ST6GALNAC3: variants seen among roughly 807,000 people sequenced by gnomAD.
ST6GALNAC3 encodes ST6 N-acetylgalactosaminide alpha-2,6-sialyltransferase 3.
ST6GALNAC3 carries 25 observed loss-of-function variants against 32.7 expected under a neutral mutation model. The ratio of observed to expected loss-of-function variants is 0.76; its 90% CI spans 0.56 to 1.07. The LOEUF (loss-of-function observed/expected upper bound fraction) is 1.07, where lower values mean the gene tolerates loss of function less well. ST6GALNAC3 is among the 50% of genes least tolerant of loss of function. ST6GALNAC3 has a pLI of 0.00. For missense variants in ST6GALNAC3, 355 were observed against 382.4 expected (o/e 0.93, Z 0.60); for synonymous variants, 129 against 133.1 (o/e 0.97, Z 0.21).
intron 3 of ST6GALNAC3, 55 bp from the exon 4 acceptor site, chr1:76,627,397 T>C: frequency 8.9e-7 from 1 of 1,125,666 alleles, no homozygotes; most frequent in Non-Finnish European, 1.4e-6. Context: ...TATTGTTCTG[T>C]GTGTGTGTTC....
At chr1:76,160,591 C>T (rs567466489) in intron 1 of ST6GALNAC3, among the ~76,000 whole-genome samples, 27 of 152,196 alleles carry the variant, frequency 1.8e-4, no homozygotes, top group Admixed American at 7.2e-4. Context: ...TACTCTCTAA[C>T]GGTGTTCTAC....
At chr1:76,457,615 G>T (rs370000677) in intron 3 of ST6GALNAC3, among the ~76,000 whole-genome samples, 3,152 of 151,896 alleles carry the variant, frequency 0.021, 76 homozygotes, top group Admixed American at 0.065. Flanking sequence ...ACAAACCTGA[G>T]AAAAACAAGC....
At chr1:76,208,233 A>G (rs958744339) in intron 1 of ST6GALNAC3, among the ~76,000 whole-genome samples, 4 of 152,252 alleles carry the variant, frequency 2.6e-5, no homozygotes, top group African/African-American at 9.6e-5. Context: ...CCAGGGATAT[A>G]CAGTAACTAT....
At chr1:76,321,108 C>A (rs756162727) in intron 2 of ST6GALNAC3, among the ~76,000 whole-genome samples, 2 of 151,940 alleles carry the variant, frequency 1.3e-5, no homozygotes, top group Non-Finnish European at 2.9e-5. Context: ...GCAGAAAAGT[C>A]AGGCTAGTGA....
chr1:76,220,460 T>C (rs904699888), intron 1 of ST6GALNAC3, among the ~76,000 whole-genome samples: 2 of 152,206 alleles, frequency 1.3e-5, no homozygotes, highest in African/African-American at 4.8e-5. Flanking sequence ...GAGACAATCA[T>C]TCCATTTAAC....
chr1:76,183,480 G>A (rs1181514511), intron 1 of ST6GALNAC3, among the ~76,000 whole-genome samples: 1 of 151,942 alleles, frequency 6.6e-6, no homozygotes, highest in African/African-American at 2.4e-5. Context: ...ATGTGTAAGT[G>A]GATGTAGACA....
chr1:76,554,569 T>C (rs1664813869), intron 3 of ST6GALNAC3, among the ~76,000 whole-genome samples: 1 of 152,172 alleles, frequency 6.6e-6, no homozygotes, highest in African/African-American at 2.4e-5. Flanking sequence ...TAAAACCACC[T>C]CCTTGAGACA....
rs1649182555 is a variant in ST6GALNAC3 at position 76,629,493 on chromosome 1, C to A, written c.*687C>A. ...TAGCAAATCTTGATGAATTTCCACT[C>A]TTACCATCCATTCTTACTACCAACA... On this transcript the variant is annotated 3_prime_UTR_variant, in exon 5 of 5. Coordinates refer to ENST00000328299, the MANE Select transcript of ST6GALNAC3 (RefSeq NM_152996.4). The A allele has an allele frequency of 1.0e-6, 1 of 984,966 alleles. No homozygotes were observed. The highest frequency in any genetic ancestry group is 1.1e-4 in the East Asian group (1 of 8,818). The allele number at this position is 984,966 out of a possible 1,614,324, so 61.0% of individuals were successfully genotyped here.
intron 2 of ST6GALNAC3, among the ~76,000 whole-genome samples, chr1:76,317,322 A>T (rs1646884079): frequency 6.6e-6 from 1 of 152,162 alleles, no homozygotes; most frequent in African/African-American, 2.4e-5. Context: ...AGAAATGGTT[A>T]CATTAAATAA....
chr1:76,602,543 T>A (rs1647282697), intron 3 of ST6GALNAC3, among the ~76,000 whole-genome samples: 1 of 152,102 alleles, frequency 6.6e-6, no homozygotes, highest in South Asian at 2.1e-4. Context: ...ATAATAGATT[T>A]GTAATTCTAA....
At chr1:76,405,812 T>C (rs751048756) in intron 2 of ST6GALNAC3, among the ~76,000 whole-genome samples, 6 of 152,064 alleles carry the variant, frequency 3.9e-5, no homozygotes, top group South Asian at 2.1e-4. Context: ...CAGGAAAGAA[T>C]TGGTTAAGCA....
intron 2 of ST6GALNAC3, among the ~76,000 whole-genome samples, chr1:76,325,916 A>G (rs1191157975): frequency 1.3e-5 from 2 of 151,622 alleles, no homozygotes; most frequent in South Asian, 4.2e-4. Flanking sequence ...CTTTTTGCTC[A>G]TCTTTTTTCA....
chr1:76,075,516 T>C (rs1055685147), intron 1 of ST6GALNAC3, among the ~76,000 whole-genome samples: 5 of 152,328 alleles, frequency 3.3e-5, no homozygotes, highest in East Asian at 1.9e-4. Context: ...ATAGACAAAA[T>C]GATTTTATGC....
chr1:76,337,492 G>A (rs933061928), intron 2 of ST6GALNAC3, among the ~76,000 whole-genome samples: 4 of 152,068 alleles, frequency 2.6e-5, no homozygotes, highest in African/African-American at 9.7e-5. Context: ...TCCTCCATTC[G>A]GGGGTGTCTT....
intron 2 of ST6GALNAC3, among the ~76,000 whole-genome samples, chr1:76,399,906 T>C (rs12096348): frequency 0.17 from 26,053 of 152,130 alleles, 2,475 homozygotes; most frequent in Admixed American, 0.22. Context: ...GGATTCTGAT[T>C]TGTATCTAGC....
At chr1:76,247,982 G>A (rs768759603) in intron 1 of ST6GALNAC3, among the ~76,000 whole-genome samples, 1 of 149,196 alleles carries the variant, frequency 6.7e-6, no homozygotes, top group Admixed American at 6.6e-5. Flanking sequence ...CCTGATCTGC[G>A]GATTGCAAAA....
intron 3 of ST6GALNAC3, among the ~76,000 whole-genome samples, chr1:76,420,012 C>G (rs930465310): frequency 6.7e-6 from 1 of 150,076 alleles, no homozygotes; most frequent in African/African-American, 2.5e-5. Flanking sequence ...AAGGAAAAAG[C>G]TCCCCGTGCA....
At chr1:76,224,171 G>T (rs1214996302) in intron 1 of ST6GALNAC3, among the ~76,000 whole-genome samples, 1 of 152,042 alleles carries the variant, frequency 6.6e-6, no homozygotes, top group African/African-American at 2.4e-5. Context: ...CCTTAGCTTT[G>T]CCTGTTGAAA....
chr1:76,156,047 G>C (rs1344206484), intron 1 of ST6GALNAC3, among the ~76,000 whole-genome samples: 2 of 152,108 alleles, frequency 1.3e-5, no homozygotes, highest in Non-Finnish European at 2.9e-5. Context: ...GACCTTGACA[G>C]TTTTGAGGAG....
Sources: allele counts gnomAD v4.1 joint callset (sites outside exome capture counted in the v4.1 genomes callset), GRCh38; gene constraint gnomAD v4.1.1; transcripts MANE v1.5; gene names NCBI Gene and HGNC (gene_info 2026-07-23, HGNC 2026-07-21).